CFAP95: variants seen among roughly 807,000 people sequenced by gnomAD.
CFAP95 encodes the protein cilia and flagella associated protein 95.
chr9:69,875,082 CTAA>C, the CFAP95 span, among the ~76,000 whole-genome samples: 2 of 152,204 alleles, frequency 1.3e-5, no homozygotes, highest in Non-Finnish European at 2.9e-5. Context: ...TTTGCTACAG[CTAA>C]TATCTAGAGG....
At chr9:69,823,629 G>A in the CFAP95 span, among the ~76,000 whole-genome samples, 1 of 152,158 alleles carries the variant, frequency 6.6e-6, no homozygotes, top group Non-Finnish European at 1.5e-5. Flanking sequence ...TTTCGCTCAC[G>A]TGCATTTGAA....
the CFAP95 span, among the ~76,000 whole-genome samples, chr9:69,828,487 C>T: frequency 6.6e-6 from 1 of 152,166 alleles, no homozygotes; most frequent in African/African-American, 2.4e-5. Context: ...TGAGACCAGC[C>T]TGGGCAACAT....
chr9:69,863,747 A>C, the CFAP95 span, among the ~76,000 whole-genome samples: 1 of 152,156 alleles, frequency 6.6e-6, no homozygotes, highest in Non-Finnish European at 1.5e-5. Context: ...AGCAGATCCA[A>C]TTTTGAAAGG....
At chr9:69,851,324 T>C in the CFAP95 span, among the ~76,000 whole-genome samples, 1 of 152,190 alleles carries the variant, frequency 6.6e-6, no homozygotes, top group African/African-American at 2.4e-5. Flanking sequence ...CAAAATGCTG[T>C]GCAGCTTCCT....
the CFAP95 span, among the ~76,000 whole-genome samples, chr9:69,843,618 CTTCTTCTTCTTCCT>C: frequency 1.0e-4 from 7 of 69,684 alleles, no homozygotes; most frequent in African/African-American, 5.2e-4. Context: ...TCTTCTTCTT[CTTCTTCTTCTTCCT>C]CCTCCTCCTC....
chr9:69,865,068 G>C, the CFAP95 span, among the ~76,000 whole-genome samples: 5 of 151,992 alleles, frequency 3.3e-5, no homozygotes, highest in African/African-American at 1.2e-4. Flanking sequence ...TGGATCATGG[G>C]GGCAATTTCC....
At chr9:69,902,200 C>T in the CFAP95 span, 148 of 383,880 alleles carry the variant, frequency 3.9e-4, 1 homozygote, top group East Asian at 8.3e-3. Flanking sequence ...TAATGTTGGC[C>T]CTTTCTGCTT....
At chr9:69,895,359 C>CTGTG in the CFAP95 span, among the ~76,000 whole-genome samples, 4 of 97,288 alleles carry the variant, frequency 4.1e-5, no homozygotes, top group Non-Finnish European at 6.7e-5. Flanking sequence ...CTCTCTCTCT[C>CTGTG]TCTCTCTCTC....
chr9:69,857,017 C>A, the CFAP95 span, among the ~76,000 whole-genome samples: 118 of 151,532 alleles, frequency 7.8e-4, no homozygotes, highest in African/African-American at 2.6e-3. Context: ...GTTTATAACC[C>A]AGCTTGTTCA....
the CFAP95 span, among the ~76,000 whole-genome samples, chr9:69,824,478 A>G: frequency 6.6e-6 from 1 of 152,230 alleles, no homozygotes; most frequent in Non-Finnish European, 1.5e-5. Flanking sequence ...AACTGAGGTC[A>G]AACAAAGCAA....
chr9:69,878,198 T>C, the CFAP95 span, among the ~76,000 whole-genome samples: 1 of 152,174 alleles, frequency 6.6e-6, no homozygotes, highest in Non-Finnish European at 1.5e-5. Context: ...TATTTTCTTG[T>C]GTTTTATTTC....
chr9:69,843,244 T>C, the CFAP95 span, among the ~76,000 whole-genome samples: 1 of 152,120 alleles, frequency 6.6e-6, no homozygotes, highest in Non-Finnish European at 1.5e-5. Context: ...GGCTGGATGA[T>C]TGAATTCTCG....
the CFAP95 span, among the ~76,000 whole-genome samples, chr9:69,855,012 C>T: frequency 3.9e-5 from 6 of 152,274 alleles, no homozygotes; most frequent in South Asian, 4.1e-4. Flanking sequence ...TTAATGGTTC[C>T]CACACGTTTA....
chr9:69,900,656 A>G, the CFAP95 span, among the ~76,000 whole-genome samples: 2 of 152,268 alleles, frequency 1.3e-5, no homozygotes, highest in African/African-American at 2.4e-5. Flanking sequence ...CCCAGCTCCA[A>G]TGGTCGGCTC....
the CFAP95 span, among the ~76,000 whole-genome samples, chr9:69,855,044 T>C: frequency 2.0e-5 from 3 of 152,234 alleles, no homozygotes; most frequent in Non-Finnish European, 4.4e-5. Context: ...TTCATTAAAT[T>C]CTCCTCAGTT....
the CFAP95 span, among the ~76,000 whole-genome samples, chr9:69,828,090 G>A: frequency 6.6e-6 from 1 of 152,140 alleles, no homozygotes; most frequent in Non-Finnish European, 1.5e-5. Flanking sequence ...AGAAGCTTAA[G>A]GAATTTAGAA....
the CFAP95 span, among the ~76,000 whole-genome samples, chr9:69,875,812 G>A: frequency 4.6e-5 from 7 of 152,090 alleles, no homozygotes; most frequent in East Asian, 7.7e-4. Context: ...TACTATACAT[G>A]CTTCAATGTT....
chr9:69,900,260 C>G, the CFAP95 span, among the ~76,000 whole-genome samples: 3 of 152,046 alleles, frequency 2.0e-5, no homozygotes, highest in Non-Finnish European at 4.4e-5. Flanking sequence ...ATATTTTTCT[C>G]TCCTCATGAC....
chr9:69,886,693 C>CT, the CFAP95 span: 1 of 603,550 alleles, frequency 1.7e-6, no homozygotes, highest in Non-Finnish European at 2.9e-6. Context: ...TATACAGAGG[C>CT]TGGGACAGTT....
Sources: allele counts gnomAD v4.1 joint callset (sites outside exome capture counted in the v4.1 genomes callset), GRCh38; gene constraint gnomAD v4.1.1; transcripts MANE v1.5; gene names NCBI Gene and HGNC (gene_info 2026-07-23, HGNC 2026-07-21).